The following GPR61 variants were observed in gnomAD, a reference collection of about 807,000 sequenced individuals.
The protein encoded by GPR61 is G protein-coupled receptor 61.
A neutral mutation model predicts 29.2 loss-of-function variants in GPR61; 15 were observed. The ratio of observed to expected loss-of-function variants is 0.51; its 90% confidence interval spans 0.34 to 0.79. The LOEUF is 0.79. Among genes scored for constraint, GPR61 ranks in the 30% least tolerant of loss-of-function variants. GPR61 has a pLI of 0.01. For synonymous variants in GPR61, 238 were observed against 242.3 expected (o/e 0.98, Z 0.17); for missense variants, 399 against 582.5 (o/e 0.69, Z 3.24).
At chr1:109,542,399 G>A (rs1647665665) in intron 1 of GPR61, 23 bp from the exon 2 acceptor site, 1 of 298,878 alleles carries the variant, frequency 3.3e-6, no homozygotes, top group Admixed American at 4.0e-5. Flanking sequence ...TGTGAAGCAA[G>A]TGTTCTTCCT....
rs755690717 is a variant in GPR61 at position 109,543,392 on chromosome 1, T to G, written c.370T>G (p.Cys124Gly). ...CCGCCTCTACTTGTTTCTGAGCGTGTGCTTTGTCAGCCTGGCCATCCTCTC... is the reference window on the plus strand; with the variant it reads ...CCGCCTCTACTTGTTTCTGAGCGTGGGCTTTGTCAGCCTGGCCATCCTCTC... Reference protein sequence around the residue: ...ACRLYLFLSVCFVSLAILSVS... With the variant: ...ACRLYLFLSVGFVSLAILSVS... Residue 124 changes from cysteine (C) to glycine (G), a missense_variant, in exon 2 of 2, where the codon TGC (cysteine) becomes GGC (glycine). Cys to Gly is a radical substitution (Grantham distance 159, BLOSUM62 -3). Coordinates refer to ENST00000527748, the MANE Select transcript of GPR61 (RefSeq NM_001393907.1). The surrounding 1 kb of genome is among the most constrained non-coding windows in gnomAD (Gnocchi z 6.8). 1.7e-5 allele frequency: 27 copies of G among 1,611,124 alleles called. No homozygotes were observed. The highest frequency in any genetic ancestry group is 2.1e-5 in the Non-Finnish European group (25 of 1,179,842).
At chr1:109,540,598 G>T (rs552089416) in intron 1 of GPR61, among the ~76,000 whole-genome samples, 3 of 152,086 alleles carry the variant, frequency 2.0e-5, no homozygotes, top group African/African-American at 7.3e-5. Flanking sequence ...GCTGTTGGAA[G>T]TAAGTAGTGG....
Position 109,546,044 on chromosome 1 carries a change from C to T in GPR61, c.*1666C>T, listed in dbSNP as rs1647788974. ...TGAGAAATATATTGGAGAATATGTC[C>T]ATGGCTCTAACTTCTGAGAGTTCAG... On this transcript the variant is annotated 3_prime_UTR_variant, in exon 2 of 2. Transcript: ENST00000527748. 1 of 152,120 alleles carries T rather than the reference C, an allele frequency of 6.6e-6. No individual in the cohort carries two copies. 9.4% of individuals were successfully genotyped at this position (152,120 alleles called of 1,614,324 possible). A position where few individuals can be genotyped will look rare whatever the true frequency, so the allele number is the denominator to read the frequency against.
Position 109,542,734 on chromosome 1 carries a change from G to C in GPR61, c.-289G>C. 1.6e-6 allele frequency: 1 copy of C among 631,750 alleles called. No individual in the cohort carries two copies. The highest frequency in any genetic ancestry group is 2.9e-6 in the Non-Finnish European group (1 of 339,596). 39.1% of individuals were successfully genotyped at this position (631,750 alleles called of 1,614,324 possible). ...AAGAGGTGAAGGCCATTCCGAAAGC[G>C]GAGTGTTGAGTGGGTCAGGCTCCTG... On this transcript the variant is annotated 5_prime_UTR_variant, in exon 2 of 2. Coordinates refer to ENST00000527748, the MANE Select transcript of GPR61 (RefSeq NM_001393907.1).
rs1411668716 is a variant in GPR61, at chr1:109,543,762, C to T, written c.740C>T (p.Thr247Met). The T allele has an allele frequency of 8.7e-6, 14 of 1,613,262 alleles. No homozygotes were observed. The highest frequency in any genetic ancestry group is 1.6e-4 in the Middle Eastern group (1 of 6,084). ...VAAMQHGPLP[T>M]WMETPRQRSE... ...GCCATGCAGCACGGGCCGCTGCCCACGTGGATGGAGACACCCCGGCAACGC... is the reference window on the plus strand; with the variant it reads ...GCCATGCAGCACGGGCCGCTGCCCATGTGGATGGAGACACCCCGGCAACGC... Residue 247 changes from threonine to methionine, a missense_variant, in exon 2 of 2, where the codon ACG becomes ATG. By Grantham distance (81) the Thr-to-Met change is moderately conservative. This residue lies in a region of GPR61 where 320 missense variants were observed against 459.8 expected (regional missense o/e 0.70). Coordinates refer to ENST00000527748, the MANE Select transcript of GPR61 (RefSeq NM_001393907.1). The surrounding 1 kb of genome is among the most constrained non-coding windows in gnomAD (Gnocchi z 6.8).
Position 109,542,642 on chromosome 1 carries a change from G to A in GPR61, c.-381G>A, listed in dbSNP as rs775110710. 4.1e-5 allele frequency: 19 copies of A among 464,134 alleles called. No individual in the cohort carries two copies. The highest frequency in any genetic ancestry group is 1.6e-4 in the Admixed American group (7 of 42,904). The allele number at this position is 464,134 out of a possible 1,614,324, so 28.8% of individuals were successfully genotyped here. On this transcript the variant is annotated 5_prime_UTR_variant, in exon 2 of 2. Coordinates refer to ENST00000527748, the MANE Select transcript of GPR61 (RefSeq NM_001393907.1). Reference sequence around the variant, plus strand: ...AGGAGAAACAGGATTTAGAATCCCCGGCTAACAGTTCTGGAAAGGGTAGAA... The same window carrying A: ...AGGAGAAACAGGATTTAGAATCCCCAGCTAACAGTTCTGGAAAGGGTAGAA...
chr1:109,544,222 A>G lies in GPR61; in HGVS notation c.1200A>G (p.Leu400=). The part of the protein sequence containing the change: ...CPSESWVSRP[L]PSPKQEPPAV... ...CTGAGTCCTGGGTTTCCCGACCCCT[A>G]CCCAGCCCCAAGCAGGAGCCACCTG... is the stretch of plus-strand genomic sequence containing the variant. The change falls in exon 2 of 2, where the codon CTA becomes CTG. Residue 400 remains leucine (L), a synonymous_variant. Transcript: ENST00000527748. This position sits in a 1 kb window ranked among gnomAD's most constrained non-coding sequence, Gnocchi z 4.6. 6.2e-7 allele frequency: 1 copy of G among 1,613,912 alleles called. No homozygotes were observed. The highest frequency in any genetic ancestry group is 8.5e-7 in the Non-Finnish European group (1 of 1,179,994).
In GPR61 at chr1:109,545,853, G is replaced by C. The variant is rs1341832692; in HGVS notation, c.*1475G>C. 1 of 152,140 alleles carries C rather than the reference G, an allele frequency of 6.6e-6. No individual in the cohort carries two copies. Among genetic ancestry groups the C allele is most frequent in the African/African-American group, 2.4e-5 (1 of 41,412 alleles). The allele number at this position is 152,140 out of a possible 1,614,324, so 9.4% of individuals were successfully genotyped here. ...AAAAGGTTATACTGATAACAACATTGACTCCTTTAGTTCAATTCAGTGCAT... is the reference window on the plus strand; with the variant it reads ...AAAAGGTTATACTGATAACAACATTCACTCCTTTAGTTCAATTCAGTGCAT... On this transcript the variant is annotated 3_prime_UTR_variant, in exon 2 of 2. Coordinates refer to ENST00000527748, the MANE Select transcript of GPR61 (RefSeq NM_001393907.1).
In GPR61 at chr1:109,543,977, A is replaced by G. The variant is rs1052019726; in HGVS notation, c.955A>G (p.Thr319Ala). ...TGCCCTGAGTGCTCAGCCCATTTCA[A>G]CTGGGCAGGTGGAGAGTGTGGTCAC... Reference protein sequence around the residue: ...YVALSAQPISTGQVESVVTWI... With the variant: ...YVALSAQPISAGQVESVVTWI... Residue 319 changes from threonine (T) to alanine (A), a missense_variant, in exon 2 of 2, where the codon ACT becomes GCT. By Grantham distance (58) the Thr-to-Ala change is moderately conservative. Around this residue, in one of 3 missense-constraint regions of GPR61, gnomAD observed 320 missense variants for 459.8 expected, o/e 0.70. Coordinates refer to ENST00000527748, the MANE Select transcript of GPR61 (RefSeq NM_001393907.1). This position sits in a 1 kb window ranked among gnomAD's most constrained non-coding sequence, Gnocchi z 6.8. 5.0e-6 allele frequency: 8 copies of G among 1,614,046 alleles called. No individual in the cohort carries two copies. The highest frequency in any genetic ancestry group is 6.8e-6 in the Non-Finnish European group (8 of 1,179,992).
intron 1 of GPR61, among the ~76,000 whole-genome samples, chr1:109,540,622 T>C (rs753940621): frequency 6.7e-6 from 1 of 149,876 alleles, no homozygotes; most frequent in Non-Finnish European, 1.5e-5. Flanking sequence ...AAGGAAAGCA[T>C]CTGTTGGGGG....
Position 109,544,756 on chromosome 1 carries a change from C to T in GPR61, c.*378C>T. 1 of 215,380 alleles carries T rather than the reference C, an allele frequency of 4.6e-6. No homozygotes were observed. Among genetic ancestry groups the T allele is most frequent in the Non-Finnish European group, 9.9e-6 (1 of 100,894 alleles). 13.3% of individuals were successfully genotyped at this position (215,380 alleles called of 1,614,324 possible). A position where few individuals can be genotyped will look rare whatever the true frequency, so the allele number is the denominator to read the frequency against. On this transcript the variant is annotated 3_prime_UTR_variant, in exon 2 of 2. Coordinates refer to ENST00000527748, the MANE Select transcript of GPR61 (RefSeq NM_001393907.1). The surrounding 1 kb of genome is among the most constrained non-coding windows in gnomAD (Gnocchi z 4.6). ...GCCAGGTTTGGAGTTATTCTAGGGG[C>T]CATTTAGGATATTTTATTTTTCAGT... is the stretch of plus-strand genomic sequence containing the variant.
chr1:109,540,823 C>T lies in GPR61; in HGVS notation c.-602+870C>T, dbSNP rs192679707. 2.2e-4 allele frequency among the ~76,000 whole-genome samples: 33 copies of T among 152,356 alleles called. 1 individual carries two copies. In the East Asian group the frequency reaches 6.0e-3, roughly 28 times the overall value. ...GCATTTAGGAGTCACTGTGGAGACA[C>T]TGGCAAGCTTGAGGGAGCTATGAAA... On this transcript the variant is annotated intron_variant, in intron 1 of 1. Transcript: ENST00000527748.
intron 1 of GPR61, among the ~76,000 whole-genome samples, chr1:109,541,155 T>C (rs1001013342): frequency 6.6e-6 from 1 of 152,222 alleles, no homozygotes; most frequent in Admixed American, 6.5e-5. Context: ...GTCTCACTTT[T>C]GTGCCCGCTC....
At position 109,544,339 on chromosome 1, in the gene GPR61, C is replaced by T; in HGVS notation, c.1317C>T (p.Ser439=). Residue 439 remains serine, a synonymous_variant, in exon 2 of 2, where the codon AGC becomes AGT. Coordinates refer to ENST00000527748, the MANE Select transcript of GPR61 (RefSeq NM_001393907.1). This position sits in a 1 kb window ranked among gnomAD's most constrained non-coding sequence, Gnocchi z 4.6. Reference sequence around the variant, plus strand: ...CCAGCGACATCATCATGTCAGACAGCTACCTCCGTCCTGCCGCCTCACCCC... The same window carrying T: ...CCAGCGACATCATCATGTCAGACAGTTACCTCCGTCCTGCCGCCTCACCCC... ...QLTSDIIMSD[S]YLRPAASPRL... is the part of the protein sequence containing the mutation. 1 of 1,613,566 alleles carries T rather than the reference C, an allele frequency of 6.2e-7. No homozygotes were observed. The highest frequency in any genetic ancestry group is 1.3e-5 in the African/African-American group (1 of 75,066).
At position 109,543,481 on chromosome 1, in the gene GPR61, C is replaced by T. The variant is rs1403442901; in HGVS notation, c.459C>T (p.Arg153=). ...TCCACCCCATGCGCTACGAGGTGCGCATGACGCTGGGGCTGGTGGCCTCTG... is the reference window on the plus strand; with the variant it reads ...TCCACCCCATGCGCTACGAGGTGCGTATGACGCTGGGGCTGGTGGCCTCTG... The part of the protein sequence containing the change: ...YVVHPMRYEV[R]MTLGLVASVL... The change falls in exon 2 of 2, where the codon CGC becomes CGT. Residue 153 remains arginine, a synonymous_variant. Coordinates refer to ENST00000527748, the MANE Select transcript of GPR61 (RefSeq NM_001393907.1). The surrounding 1 kb of genome is among the most constrained non-coding windows in gnomAD (Gnocchi z 6.8). The T allele has an allele frequency of 6.2e-7, 1 of 1,614,048 alleles. No individual in the cohort carries two copies. The highest frequency in any genetic ancestry group is 8.5e-7 in the Non-Finnish European group (1 of 1,180,008).
In GPR61 at chr1:109,544,426, T is replaced by C; in HGVS notation, c.*48T>C. On this transcript the variant is annotated 3_prime_UTR_variant, in exon 2 of 2. Coordinates refer to ENST00000527748, the MANE Select transcript of GPR61 (RefSeq NM_001393907.1). This position sits in a 1 kb window ranked among gnomAD's most constrained non-coding sequence, Gnocchi z 4.6. ...GATATGGGGCTGGGGCCAGTTATGA[T>C]TGCAAGGACCACCTTGTGGGATCAC... The C allele has an allele frequency of 2.9e-6, 4 of 1,388,100 alleles. No homozygotes were observed. The highest frequency in any genetic ancestry group is 1.2e-5 in the South Asian group (1 of 80,052). 86.0% of individuals were successfully genotyped at this position (1,388,100 alleles called of 1,614,324 possible).
In GPR61 at chr1:109,543,558, T is replaced by C. The variant is rs1463339498; in HGVS notation, c.536T>C (p.Leu179Ser). The change falls in exon 2 of 2, where the codon TTG (leucine) becomes TCG (serine). Residue 179 changes from leucine to serine, a missense_variant. Physicochemically the swap from Leu to Ser is moderately radical, Grantham distance 145. This residue lies in a region of GPR61 where 320 missense variants were observed against 459.8 expected (regional missense o/e 0.70). Transcript: ENST00000527748. This position sits in a 1 kb window ranked among gnomAD's most constrained non-coding sequence, Gnocchi z 6.8. ...KALAMASVPV[L>S]GRVSWEEGAP... ...TTGGCCATGGCTTCTGTGCCAGTGT[T>C]GGGAAGGGTCTCCTGGGAGGAAGGA... 1 of 1,614,030 alleles carries C rather than the reference T, an allele frequency of 6.2e-7. No homozygotes were observed. Among genetic ancestry groups the C allele is most frequent in the African/African-American group, 1.3e-5 (1 of 74,918 alleles).
At position 109,543,262 on chromosome 1, in the gene GPR61, C is replaced by T. The variant is rs1408157196; in HGVS notation, c.240C>T (p.Phe80=). ...CCCTCCGAAAATTTGTCTTCGTCTTCCACCTCTGCCTGGTGGACCTGCTGG... is the reference window on the plus strand; with the variant it reads ...CCCTCCGAAAATTTGTCTTCGTCTTTCACCTCTGCCTGGTGGACCTGCTGG... ...TPALRKFVFV[F]HLCLVDLLAA... The change falls in exon 2 of 2, where the codon TTC becomes TTT. Residue 80 remains phenylalanine, a synonymous_variant. Transcript: ENST00000527748. This position sits in a 1 kb window ranked among gnomAD's most constrained non-coding sequence, Gnocchi z 6.8. 1 of 1,614,212 alleles carries T rather than the reference C, an allele frequency of 6.2e-7. No homozygotes were observed.
rs747404575 is a variant in GPR61, at chr1:109,542,675, G to A, written c.-348G>A. On this transcript the variant is annotated 5_prime_UTR_variant, in exon 2 of 2. Coordinates refer to ENST00000527748, the MANE Select transcript of GPR61 (RefSeq NM_001393907.1). Reference sequence around the variant, plus strand: ...GTTCTGGAAAGGGTAGAAGGGTATGGAGAACAAGAATGGCAGAAAGGAGAT... The same window carrying A: ...GTTCTGGAAAGGGTAGAAGGGTATGAAGAACAAGAATGGCAGAAAGGAGAT... 29 of 509,734 alleles carry A rather than the reference G, an allele frequency of 5.7e-5. No individual in the cohort carries two copies. Among genetic ancestry groups the A allele is most frequent in the Non-Finnish European group, 9.5e-5 (25 of 262,952 alleles). The allele number at this position is 509,734 out of a possible 1,614,324, so 31.6% of individuals were successfully genotyped here.
Sources: gnomAD v4.1 joint callset for allele counts (sites outside exome capture counted in the v4.1 genomes callset) on GRCh38, gnomAD v4.1.1 for gene constraint, gnomAD v4.1.1 regional missense constraint, Gnocchi (gnomAD v3.1) non-coding constraint, MANE v1.5 for transcripts, NCBI Gene and HGNC (gene_info 2026-07-23, HGNC 2026-07-21) for gene names.